The following GFPT2 variants were observed in gnomAD, a reference collection of about 807,000 sequenced individuals.
The protein encoded by GFPT2 is glutamine--fructose-6-phosphate aminotransferase [isomerizing] 2.
In GFPT2, 62 loss-of-function variants were observed where a neutral mutation model predicts 85.6. The ratio of observed to expected loss-of-function variants is 0.72; its 90% CI spans 0.59 to 0.90. The LOEUF (loss-of-function observed/expected upper bound fraction) is 0.90. Ranked by LOEUF, GFPT2 falls within the 40% of genes least tolerant of loss-of-function variation. The pLI is 0.00. For missense variants in GFPT2, 788 were observed against 893.4 expected, an observed-to-expected ratio of 0.88 and a Z score of 1.50; for synonymous variants, 368 against 344.5, an observed-to-expected ratio of 1.07 and a Z score of -0.75.
chr5:180,324,937 C>T (rs370662119), intron 7 of GFPT2, 42 bp from the exon 8 acceptor site: 43 of 1,241,066 alleles, frequency 3.5e-5, no homozygotes, highest in African/African-American at 1.8e-4. Flanking sequence ...TTGCCTTTGA[C>T]GCCCAGTGCT....
rs1763695177 is a variant in GFPT2, at chr5:180,302,474, C to A, written c.1953G>T (p.Val651=). 1.9e-6 allele frequency: 3 copies of A among 1,614,154 alleles called. No individual in the cohort carries two copies. Among genetic ancestry groups the A allele is most frequent in the African/African-American group, 2.7e-5 (2 of 75,050 alleles). The change falls in exon 18 of 19, where the codon GTG becomes GTT. Residue 651 remains valine, a synonymous_variant. Coordinates refer to ENST00000253778, the MANE Select transcript of GFPT2 (RefSeq NM_005110.4). The stretch of plus-strand genomic sequence containing the variant: ...GGAAGGACAGCAGCTGCAGCGGAAT[C>A]ACGCTCAGGATGCCCTGGAGGCAGT... The part of the protein sequence containing the change: ...TVDCLQGILS[V]IPLQLLSFHL...
chr5:180,338,168 G>A (rs914397707), intron 2 of GFPT2, among the ~76,000 whole-genome samples: 2 of 152,074 alleles, frequency 1.3e-5, no homozygotes, highest in Non-Finnish European at 2.9e-5. Context: ...GCAAAATACA[G>A]TGTTGCTCAA....
At position 180,336,586 on chromosome 5, in the gene GFPT2, T is replaced by C. The variant is rs746408260; in HGVS notation, c.116-9A>G. ...CCCATCGATCGCCACACCTGTGATG[T>C]AGACAGCATTTGTTATATTGCAACC... On this transcript the variant is annotated splice_polypyrimidine_tract_variant and intron_variant, in intron 2 of 18. Coordinates refer to ENST00000253778, the MANE Select transcript of GFPT2 (RefSeq NM_005110.4). 7.1e-6 allele frequency: 11 copies of C among 1,558,002 alleles called. No individual in the cohort carries two copies. The highest frequency in any genetic ancestry group is 9.7e-6 in the Non-Finnish European group (11 of 1,128,776).
intron 16 of GFPT2, among the ~76,000 whole-genome samples, chr5:180,305,943 C>T (rs1016887801): frequency 1.3e-5 from 2 of 151,670 alleles, no homozygotes; most frequent in Non-Finnish European, 2.9e-5. Flanking sequence ...CCGGTAACCA[C>T]TTGTAACTGG....
At chr5:180,313,566 G>A (rs995113404) in intron 14 of GFPT2, among the ~76,000 whole-genome samples, 1 of 151,372 alleles carries the variant, frequency 6.6e-6, no homozygotes, top group Non-Finnish European at 1.5e-5. Flanking sequence ...CTCCAGCCTG[G>A]GCGACAGAGT....
intron 9 of GFPT2, among the ~76,000 whole-genome samples, chr5:180,321,761 G>GTTTT (rs1764124791): frequency 6.6e-6 from 1 of 150,542 alleles, no homozygotes; most frequent in African/African-American, 2.5e-5. Context: ...TAATATGGAG[G>GTTTT]GTTTTGTTTT....
Position 180,301,314 on chromosome 5 carries a change from TGGA to T in GFPT2, c.*247_*249del, listed in dbSNP as rs1443873525. 5 of 568,450 alleles carry T rather than the reference TGGA, an allele frequency of 8.8e-6. No individual in the cohort carries two copies. Among genetic ancestry groups the T allele is most frequent in the Non-Finnish European group, 1.6e-5 (5 of 321,446 alleles). 35.2% of individuals were successfully genotyped at this position (568,450 alleles called of 1,614,324 possible). On this transcript the variant is annotated 3_prime_UTR_variant, in exon 19 of 19. Transcript: ENST00000253778. ...GAGCTGTATCTCTATTGCACAGTAG[TGGA>T]GAAGTCTGCTCTGATCCCCATGTGT...
intron 17 of GFPT2, among the ~76,000 whole-genome samples, chr5:180,303,745 T>C (rs1489785115): frequency 2.0e-5 from 3 of 152,304 alleles, no homozygotes; most frequent in African/African-American, 7.2e-5. Flanking sequence ...TTGGTTGGTC[T>C]TTGTGGCCGG....
At chr5:180,316,613 A>G in intron 12 of GFPT2, 151 bp downstream of exon 12, 2 of 937,040 alleles carry the variant, frequency 2.1e-6, no homozygotes, top group Admixed American at 2.3e-5. Context: ...CCTCGAAGAT[A>G]AAAGGGCTCC....
chr5:180,325,370 T>C (rs997133331), intron 7 of GFPT2, among the ~76,000 whole-genome samples: 1 of 152,196 alleles, frequency 6.6e-6, no homozygotes, highest in African/African-American at 2.4e-5. Flanking sequence ...CCCAGTTCTC[T>C]AGCATTAGTG....
intron 1 of GFPT2, chr5:180,352,885 G>A (rs556695338): frequency 4.5e-6 from 2 of 448,774 alleles, no homozygotes; most frequent in African/African-American, 2.1e-5. Flanking sequence ...GGCATGGGGT[G>A]GGGACCCCTC....
In GFPT2 at chr5:180,349,093, C is replaced by A. The variant is rs1397929332; in HGVS notation, c.7+4118G>T. On this transcript the variant is annotated intron_variant, in intron 1 of 18. Coordinates refer to ENST00000253778, the MANE Select transcript of GFPT2 (RefSeq NM_005110.4). Reference sequence around the variant, plus strand: ...AGTGTCCCTTTCATTCTTACAGTTTCACCAAAAACAAAGAGGGAAGTGATA... The same window carrying A: ...AGTGTCCCTTTCATTCTTACAGTTTAACCAAAAACAAAGAGGGAAGTGATA... Among the ~76,000 whole-genome samples, 13 of 151,334 alleles carry A rather than the reference C, an allele frequency of 8.6e-5. No homozygotes were observed. In the East Asian group the frequency reaches 2.6e-3, roughly 30 times the overall value.
intron 9 of GFPT2, among the ~76,000 whole-genome samples, chr5:180,322,838 A>G (rs567511710): frequency 1.3e-5 from 2 of 151,954 alleles, no homozygotes; most frequent in African/African-American, 2.4e-5. Flanking sequence ...AGATGGAGAC[A>G]ATCCTGGCTA....
intron 1 of GFPT2, among the ~76,000 whole-genome samples, chr5:180,349,719 C>T (rs555580340): frequency 1.3e-5 from 2 of 151,742 alleles, no homozygotes; most frequent in Non-Finnish European, 2.9e-5. Flanking sequence ...GAACTGTGAG[C>T]GAATACATTT....
chr5:180,342,270 A>C (rs998613153), intron 1 of GFPT2, among the ~76,000 whole-genome samples: 5 of 152,112 alleles, frequency 3.3e-5, no homozygotes, highest in Non-Finnish European at 5.9e-5. Context: ...ACATCTTTTA[A>C]TGTCAATTAA....
At position 180,318,946 on chromosome 5, in the gene GFPT2, CTA is replaced by C; in HGVS notation, c.803_804del (p.Ile268ArgfsTer13). On this transcript the variant is annotated frameshift_variant, in exon 10 of 19. Transcript: ENST00000253778. LOFTEE classifies it high-confidence loss of function. This position sits in a 1 kb window ranked among gnomAD's most constrained non-coding sequence, Gnocchi z 4.2. The stretch of plus-strand genomic sequence containing the variant: ...AGGAAGATGACCCGGTTGGTGTGCT[CTA>C]TGATAGCGCTGGGGCAAGGGAAACA... ...FFFASDASAI[I>X]EHTNRVIFLE... 2 of 1,612,756 alleles carry C rather than the reference CTA, an allele frequency of 1.2e-6. No homozygotes were observed. The highest frequency in any genetic ancestry group is 1.7e-6 in the Non-Finnish European group (2 of 1,179,984).
At chr5:180,307,591 GA>G (rs745486927) in intron 15 of GFPT2, among the ~76,000 whole-genome samples, 2 of 152,104 alleles carry the variant, frequency 1.3e-5, no homozygotes, top group Non-Finnish European at 2.9e-5. Context: ...GAGGCTCAGA[GA>G]GGCAAAAATC....
Position 180,324,217 on chromosome 5 carries a change from G to A in GFPT2, c.765C>T (p.Ala255=), listed in dbSNP as rs191781621. 159 of 1,608,850 alleles carry A rather than the reference G, an allele frequency of 9.9e-5. No individual in the cohort carries two copies. In the Middle Eastern group the frequency reaches 2.0e-3, roughly 20 times the overall value. Residue 255 remains alanine, a synonymous_variant, in exon 9 of 19, where the codon GCC becomes GCT. Coordinates refer to ENST00000253778, the MANE Select transcript of GFPT2 (RefSeq NM_005110.4). The part of the protein sequence containing the change: ...SACLHAVGDK[A]VEFFFASDAS... ...CATCAGAAGCAAAGAAGAATTCCAC[G>A]GCCTTGTCGCCCACAGCATGCAGGC... is the stretch of plus-strand genomic sequence containing the variant.
chr5:180,312,060 AGGGAGGCG>A (rs1763900293), intron 15 of GFPT2, among the ~76,000 whole-genome samples: 1 of 62,972 alleles, frequency 1.6e-5, no homozygotes, highest in African/African-American at 5.2e-5. Context: ...GCAGGGAGGC[AGGGAGGCG>A]GGGAGGCTGA....
Sources: allele counts gnomAD v4.1 joint callset (sites outside exome capture counted in the v4.1 genomes callset), GRCh38; gene constraint gnomAD v4.1.1; non-coding constraint Gnocchi (gnomAD v3.1); transcripts MANE v1.5; gene names NCBI Gene and HGNC (gene_info 2026-07-23, HGNC 2026-07-21).